Variants in PEX14 observed in about 807,000 individuals in gnomAD.
PEX14 encodes the protein peroxisomal membrane protein PEX14.
Under a neutral mutation model 49.5 loss-of-function variants are expected in PEX14, and 15 were observed. That is an observed-to-expected ratio of 0.30 (90% CI 0.20 to 0.47). PEX14 has a LOEUF of 0.47. Among genes scored for constraint, PEX14 ranks in the 20% least tolerant of loss-of-function variants. The pLI is 1.00. For synonymous variants in PEX14, 210 were observed against 212.7 expected (o/e 0.99, Z 0.11); for missense variants, 398 against 494.8 (o/e 0.80, Z 1.86).
intron 1 of PEX14, among the ~76,000 whole-genome samples, chr1:10,479,486 C>T (rs607941): frequency 0.75 from 113,510 of 152,162 alleles, 42,712 homozygotes; most frequent in African/African-American, 0.85. Flanking sequence ...AGTGTGTACA[C>T]GTTGGAGCCC....
intron 4 of PEX14, chr1:10,617,056 G>A (rs1641444166): frequency 6.6e-6 from 1 of 152,032 alleles, no homozygotes; most frequent in Non-Finnish European, 1.5e-5. Flanking sequence ...TCAGCAGTGG[G>A]ACATGCCTGT....
intron 5 of PEX14, 74 bp downstream of exon 5, chr1:10,618,491 C>A: frequency 8.7e-7 from 1 of 1,146,976 alleles, no homozygotes; most frequent in East Asian, 2.4e-5. Context: ...TCACTGGTTC[C>A]CCTGCATGGA....
At chr1:10,578,600 C>A (rs1302269542) in intron 3 of PEX14, among the ~76,000 whole-genome samples, 2 of 151,984 alleles carry the variant, frequency 1.3e-5, no homozygotes, top group Non-Finnish European at 2.9e-5. Context: ...AATGAAAACT[C>A]AGTTAATAGA....
intron 3 of PEX14, among the ~76,000 whole-genome samples, chr1:10,544,369 A>G (rs2124497599): frequency 6.6e-6 from 1 of 152,308 alleles, no homozygotes; most frequent in South Asian, 2.1e-4. Context: ...CTTCTGACCA[A>G]GATTCTTTGA....
At chr1:10,554,082 G>A (rs1272914114) in intron 3 of PEX14, among the ~76,000 whole-genome samples, 3 of 147,714 alleles carry the variant, frequency 2.0e-5, no homozygotes, top group African/African-American at 7.6e-5. Context: ...GAGGTCAGGA[G>A]ATCGAGACCA....
chr1:10,596,306 T>C (rs1640831079), intron 3 of PEX14, among the ~76,000 whole-genome samples: 2 of 152,230 alleles, frequency 1.3e-5, no homozygotes, highest in Admixed American at 6.5e-5. Context: ...GGTTAGAATA[T>C]TAGAACGAGA....
At chr1:10,582,505 C>G (rs1476103343) in intron 3 of PEX14, among the ~76,000 whole-genome samples, 1 of 152,132 alleles carries the variant, frequency 6.6e-6, no homozygotes, top group Non-Finnish European at 1.5e-5. Context: ...AAAAGTACTT[C>G]TACCTAGGGT....
At chr1:10,513,932 G>A (rs191702168) in intron 2 of PEX14, among the ~76,000 whole-genome samples, 10 of 152,246 alleles carry the variant, frequency 6.6e-5, no homozygotes, top group South Asian at 2.1e-4. Context: ...TAATTCATCC[G>A]CTCACCCCCT....
chr1:10,558,460 C>T lies in PEX14; in HGVS notation c.169+22163C>T, dbSNP rs189070847. Among the ~76,000 whole-genome samples, 25 of 151,870 alleles carry T rather than the reference C, an allele frequency of 1.6e-4. No individual in the cohort carries two copies. The East Asian group carries it at 2.3e-3, about 14-fold the overall frequency. ...CATAGAAATTACTTTGGAAGCTGGACGCTGTGGCTCATGCCTGTAATCCCA... is the reference window on the plus strand; with the variant it reads ...CATAGAAATTACTTTGGAAGCTGGATGCTGTGGCTCATGCCTGTAATCCCA... On this transcript the variant is annotated intron_variant, in intron 3 of 8. Transcript: ENST00000356607.
At chr1:10,504,508 C>A (rs535858509) in intron 2 of PEX14, among the ~76,000 whole-genome samples, 64 of 152,292 alleles carry the variant, frequency 4.2e-4, no homozygotes, top group Admixed American at 1.2e-3. Context: ...GCACAGCTCT[C>A]CTGTTTGTGT....
At position 10,597,716 on chromosome 1, in the gene PEX14, C is replaced by T. The variant is rs1640868442; in HGVS notation, c.170-1522C>T. ...CTTCCCAGTGGTGAGGCTGTGCCTG[C>T]CCTTGGCCAGCTCCACTGTGTGAAG... On this transcript the variant is annotated intron_variant, in intron 3 of 8. Coordinates refer to ENST00000356607, the MANE Select transcript of PEX14 (RefSeq NM_004565.3). This position sits in a 1 kb window ranked among gnomAD's most constrained non-coding sequence, Gnocchi z 5.7. 6.6e-6 allele frequency among the ~76,000 whole-genome samples: 1 copy of T among 152,190 alleles called. No individual in the cohort carries two copies. The highest frequency in any genetic ancestry group is 2.4e-5 in the African/African-American group (1 of 41,434).
At chr1:10,543,260 G>A (rs557127288) in intron 3 of PEX14, among the ~76,000 whole-genome samples, 35 of 152,302 alleles carry the variant, frequency 2.3e-4, no homozygotes, top group Non-Finnish European at 4.1e-4. Context: ...TCAGCCTCCC[G>A]AGTAACTGGG....
chr1:10,481,823 CTTTT>C (rs34612970), intron 1 of PEX14, among the ~76,000 whole-genome samples: 2 of 116,684 alleles, frequency 1.7e-5, no homozygotes, highest in Non-Finnish European at 3.6e-5. Flanking sequence ...CCATTCTACT[CTTTT>C]TTTTTTTTTT....
At chr1:10,537,851 G>GA (rs540675224) in intron 3 of PEX14, among the ~76,000 whole-genome samples, 12 of 146,358 alleles carry the variant, frequency 8.2e-5, no homozygotes, top group East Asian at 3.9e-4. Flanking sequence ...GAGAGGGAGT[G>GA]AAAAAAAAAA....
chr1:10,515,752 G>C (rs951211214), intron 2 of PEX14, among the ~76,000 whole-genome samples: 1 of 152,164 alleles, frequency 6.6e-6, no homozygotes, highest in Non-Finnish European at 1.5e-5. Context: ...TTGTCTGCTT[G>C]TGATTTGAGA....
At chr1:10,497,035 G>A (rs1230238018) in intron 2 of PEX14, among the ~76,000 whole-genome samples, 1 of 151,464 alleles carries the variant, frequency 6.6e-6, no homozygotes, top group Non-Finnish European at 1.5e-5. Context: ...GATCCTATGA[G>A]TTGGGTAATT....
In PEX14 at chr1:10,559,735, C is replaced by CT. The variant is rs1639596001; in HGVS notation, c.169+23439dup. 2.0e-5 allele frequency among the ~76,000 whole-genome samples: 3 copies of CT among 152,314 alleles called. No homozygotes were observed. In the South Asian group the frequency reaches 6.2e-4, roughly 32 times the overall value. The stretch of plus-strand genomic sequence containing the variant: ...AGAAGTGATTATTTATTCTACAGAA[C>CT]TAGAGACTTCTCTTCTCTCAGAGGA... On this transcript the variant is annotated intron_variant, in intron 3 of 8. Transcript: ENST00000356607.
intron 3 of PEX14, among the ~76,000 whole-genome samples, chr1:10,585,392 T>C (rs1163983268): frequency 6.6e-6 from 1 of 152,076 alleles, no homozygotes; most frequent in African/African-American, 2.4e-5. Context: ...AATTGTAATA[T>C]GAAAGATATA....
chr1:10,509,312 T>C (rs1641844889), intron 2 of PEX14, among the ~76,000 whole-genome samples: 1 of 152,212 alleles, frequency 6.6e-6, no homozygotes, highest in South Asian at 2.1e-4. Context: ...GTTAATAGAA[T>C]TTGTTAATAA....
Sources: allele counts gnomAD v4.1 joint callset (sites outside exome capture counted in the v4.1 genomes callset), GRCh38; gene constraint gnomAD v4.1.1; non-coding constraint Gnocchi (gnomAD v3.1); transcripts MANE v1.5; gene names NCBI Gene and HGNC (gene_info 2026-07-23, HGNC 2026-07-21).